RBMS1: variants seen among roughly 807,000 people sequenced by gnomAD.
RBMS1 encodes RNA-binding motif, single-stranded-interacting protein 1.
In RBMS1, 17 loss-of-function variants were observed where a neutral mutation model predicts 62.3. That is an observed-to-expected ratio of 0.27 (90% CI 0.19 to 0.41). The LOEUF (loss-of-function observed/expected upper bound fraction) is 0.41, where lower values mean the gene tolerates loss of function less well. RBMS1 is among the 10% of genes least tolerant of loss of function. The pLI, the probability that RBMS1 is intolerant of heterozygous loss-of-function variation, is 1.00. For synonymous variants in RBMS1, 172 were observed against 170.0 expected (o/e 1.01, Z -0.09); for missense variants, 334 against 504.5 (o/e 0.66, Z 3.24).
intron 1 of RBMS1, among the ~76,000 whole-genome samples, chr2:160,479,420 T>A (rs755272891): frequency 2.6e-5 from 4 of 152,198 alleles, no homozygotes; most frequent in Non-Finnish European, 5.9e-5. Context: ...AGCACAAAAG[T>A]CTGGCCGGCC....
intron 2 of RBMS1, among the ~76,000 whole-genome samples, chr2:160,357,946 T>C (rs1201631454): frequency 1.3e-5 from 2 of 152,142 alleles, no homozygotes; most frequent in Non-Finnish European, 2.9e-5. Flanking sequence ...AATCTGGGGA[T>C]TTCCAAAAGT....
At chr2:160,427,440 C>T (rs897706767) in intron 1 of RBMS1, among the ~76,000 whole-genome samples, 1 of 151,740 alleles carries the variant, frequency 6.6e-6, no homozygotes, top group Admixed American at 6.6e-5. Flanking sequence ...TAAATTTTAC[C>T]TGAAAATCAA....
intron 1 of RBMS1, among the ~76,000 whole-genome samples, chr2:160,382,413 A>T (rs1694324556): frequency 6.6e-6 from 1 of 152,238 alleles, no homozygotes; most frequent in African/African-American, 2.4e-5. Flanking sequence ...TTTAGATTTC[A>T]AAACACCAGG....
chr2:160,335,108 A>C (rs532383386), intron 2 of RBMS1, among the ~76,000 whole-genome samples: 1 of 152,284 alleles, frequency 6.6e-6, no homozygotes, highest in Non-Finnish European at 1.5e-5. Context: ...ACACAAGCTC[A>C]ACAGAGAGAG....
chr2:160,275,069 A>G (rs987651111), intron 13 of RBMS1, among the ~76,000 whole-genome samples: 18 of 152,346 alleles, frequency 1.2e-4, no homozygotes, highest in African/African-American at 3.6e-4. Context: ...AAGGTATTCT[A>G]TATCACCAGG....
intron 4 of RBMS1, among the ~76,000 whole-genome samples, chr2:160,307,598 C>A (rs1162967142): frequency 1.3e-5 from 2 of 152,146 alleles, no homozygotes; most frequent in African/African-American, 4.8e-5. Flanking sequence ...TAACATTTGC[C>A]TAGTTTAACA....
intron 2 of RBMS1, among the ~76,000 whole-genome samples, chr2:160,335,018 T>C (rs1417856946): frequency 6.6e-6 from 1 of 151,418 alleles, no homozygotes; most frequent in African/African-American, 2.4e-5. Context: ...AGCAAAGTAA[T>C]GAGGATTAAA....
chr2:160,493,259 G>C (rs1355577671), intron 1 of RBMS1, 30 bp downstream of exon 1: 1 of 1,604,628 alleles, frequency 6.2e-7, no homozygotes, highest in Non-Finnish European at 8.5e-7. Context: ...CCCCTCCTCC[G>C]GCCGTCACCT....
At chr2:160,460,997 G>A (rs1684436678) in intron 1 of RBMS1, among the ~76,000 whole-genome samples, 1 of 152,174 alleles carries the variant, frequency 6.6e-6, no homozygotes, top group South Asian at 2.1e-4. Context: ...GGTGGCTCAC[G>A]CCTGTAATCC....
At chr2:160,448,300 CCCCTCT>C (rs1429253646) in intron 1 of RBMS1, among the ~76,000 whole-genome samples, 1 of 151,236 alleles carries the variant, frequency 6.6e-6, no homozygotes, top group Admixed American at 6.6e-5. Context: ...CCTCCCCCTC[CCCCTCT>C]CCCGTCTCCC....
At chr2:160,449,151 T>C (rs1190878009) in intron 1 of RBMS1, among the ~76,000 whole-genome samples, 1 of 151,132 alleles carries the variant, frequency 6.6e-6, no homozygotes, top group African/African-American at 2.4e-5. Flanking sequence ...CCGCCCCCAC[T>C]GGGAAGTGAG....
chr2:160,354,011 AG>A (rs1312764894), intron 2 of RBMS1, among the ~76,000 whole-genome samples: 1 of 152,080 alleles, frequency 6.6e-6, no homozygotes, highest in Non-Finnish European at 1.5e-5. Flanking sequence ...AGGCGGGGCC[AG>A]GTGGAAAGCT....
intron 1 of RBMS1, among the ~76,000 whole-genome samples, chr2:160,471,318 A>C (rs1684901828): frequency 6.6e-6 from 1 of 152,182 alleles, no homozygotes; most frequent in South Asian, 2.1e-4. Flanking sequence ...TTGCCCTTTG[A>C]AAACAATGAA....
chr2:160,463,467 G>A (rs1684553967), intron 1 of RBMS1, among the ~76,000 whole-genome samples: 1 of 152,206 alleles, frequency 6.6e-6, no homozygotes, highest in African/African-American at 2.4e-5. Context: ...CTTTCAGAAT[G>A]AGACGCACTT....
intron 1 of RBMS1, among the ~76,000 whole-genome samples, chr2:160,381,176 G>A (rs1189479635): frequency 6.6e-6 from 1 of 152,026 alleles, no homozygotes; most frequent in African/African-American, 2.4e-5. Flanking sequence ...TAGCTCATAT[G>A]CAAATCCTGG....
At chr2:160,365,035 G>C (rs775412632) in intron 2 of RBMS1, among the ~76,000 whole-genome samples, 2 of 151,938 alleles carry the variant, frequency 1.3e-5, no homozygotes, top group Non-Finnish European at 2.9e-5. Flanking sequence ...TTAAGCTCTA[G>C]CATGAGTCCC....
intron 3 of RBMS1, among the ~76,000 whole-genome samples, chr2:160,317,389 G>A (rs1690284671): frequency 6.6e-6 from 1 of 152,156 alleles, no homozygotes; most frequent in South Asian, 2.1e-4. Context: ...GGGGTCAGTA[G>A]TTAGATTCAA....
At position 160,281,744 on chromosome 2, in the gene RBMS1, T is replaced by G. The variant is rs190505557; in HGVS notation, c.901-380A>C. 3.2e-3 allele frequency: 582 copies of G among 182,144 alleles called. 1 individual carries two copies. Among genetic ancestry groups the G allele is most frequent in the African/African-American group, 0.013 (543 of 42,104 alleles). 11.3% of individuals were successfully genotyped at this position (182,144 alleles called of 1,614,324 possible). ...AAGGTATGAACTAGGTGCTTTAGAATTACAGATGAATGACGATTAATTCCA... is the reference window on the plus strand; with the variant it reads ...AAGGTATGAACTAGGTGCTTTAGAAGTACAGATGAATGACGATTAATTCCA... On this transcript the variant is annotated intron_variant, in intron 9 of 13. Transcript: ENST00000348849.
At chr2:160,479,656 A>G (rs1477471522) in intron 1 of RBMS1, among the ~76,000 whole-genome samples, 2 of 152,062 alleles carry the variant, frequency 1.3e-5, no homozygotes, top group African/African-American at 4.8e-5. Flanking sequence ...CCCTTCTGCC[A>G]CTTCCCCTCT....
Sources: gnomAD v4.1 joint callset for allele counts (sites outside exome capture counted in the v4.1 genomes callset) on GRCh38, gnomAD v4.1.1 for gene constraint, MANE v1.5 for transcripts, NCBI Gene and HGNC (gene_info 2026-07-23, HGNC 2026-07-21) for gene names.